The following CDC14A variants were observed in gnomAD, a reference collection of about 807,000 sequenced individuals.
CDC14A encodes the protein dual specificity protein phosphatase CDC14A.
A neutral mutation model predicts 74.4 loss-of-function variants in CDC14A; 53 were observed. That is an observed-to-expected ratio of 0.71 (90% CI 0.57 to 0.89). The LOEUF is 0.89. Ranked by LOEUF, CDC14A falls within the 40% of genes least tolerant of loss-of-function variation. The pLI is 0.00. For missense variants in CDC14A, 646 were observed against 713.7 expected, an observed-to-expected ratio of 0.91 and a Z score of 1.08; for synonymous variants, 247 against 258.4, an observed-to-expected ratio of 0.96 and a Z score of 0.43.
At chr1:100,412,724 TTTA>T (rs1348614420) in intron 4 of CDC14A, among the ~76,000 whole-genome samples, 4 of 75,344 alleles carry the variant, frequency 5.3e-5, no homozygotes, top group African/African-American at 4.0e-4. Context: ...ATATATATAT[TTTA>T]TATATATATA....
chr1:100,371,657 C>T (rs1289159917), intron 2 of CDC14A, among the ~76,000 whole-genome samples: 6 of 152,136 alleles, frequency 3.9e-5, no homozygotes, highest in Admixed American at 1.3e-4. Context: ...CCTACTTCAT[C>T]GTGATGCATA....
chr1:100,411,674 C>A (rs983557271), intron 4 of CDC14A, among the ~76,000 whole-genome samples: 2 of 152,138 alleles, frequency 1.3e-5, no homozygotes, highest in Non-Finnish European at 2.9e-5. Context: ...TTCCTCTCTC[C>A]TTTTGTGTGA....
At chr1:100,352,317 C>T, upstream of CDC14A, 3 of 330,732 alleles carry the variant, frequency 9.1e-6, no homozygotes, top group Non-Finnish European at 1.3e-5. Flanking sequence ...CTCCTAGTGA[C>T]CCGCGGGGCG....
At chr1:100,368,040 T>C (rs1351797807) in intron 2 of CDC14A, among the ~76,000 whole-genome samples, 1 of 152,208 alleles carries the variant, frequency 6.6e-6, no homozygotes. Context: ...GGATAAAAAT[T>C]ACCAGGGCCT....
chr1:100,424,365 T>G (rs1392887360), intron 5 of CDC14A, 64 bp downstream of exon 5: 2 of 1,115,802 alleles, frequency 1.8e-6, no homozygotes, highest in African/African-American at 1.5e-5. Flanking sequence ...TAGAGTTGGG[T>G]TGTAGTGTTT....
At chr1:100,365,391 C>T (rs958981367) in intron 2 of CDC14A, among the ~76,000 whole-genome samples, 14 of 152,094 alleles carry the variant, frequency 9.2e-5, no homozygotes, top group African/African-American at 3.1e-4. Flanking sequence ...ATGGGTTTGT[C>T]CAATAAGGAT....
rs529616132 is a variant in CDC14A, at chr1:100,413,057, A to G, written c.310-11165A>G. Reference sequence around the variant, plus strand: ...GGGTGACAAGAGCGAAACTGTCAAAAAGAAAAGAAAAAAGAAAAAAGGATG... The same window carrying G: ...GGGTGACAAGAGCGAAACTGTCAAAGAGAAAAGAAAAAAGAAAAAAGGATG... On this transcript the variant is annotated intron_variant, in intron 4 of 15. Transcript: ENST00000336454. 2.0e-5 allele frequency among the ~76,000 whole-genome samples: 3 copies of G among 151,924 alleles called. No individual in the cohort carries two copies. In the South Asian group the frequency reaches 6.2e-4, roughly 32 times the overall value.
chr1:100,387,989 A>C (rs1657112508), intron 3 of CDC14A, among the ~76,000 whole-genome samples: 1 of 152,260 alleles, frequency 6.6e-6, no homozygotes, highest in African/African-American at 2.4e-5. Flanking sequence ...AACCAATAGC[A>C]GTAGTTTGTC....
chr1:100,498,428 G>A (rs549128790), intron 14 of CDC14A, among the ~76,000 whole-genome samples: 2 of 152,324 alleles, frequency 1.3e-5, no homozygotes, highest in African/African-American at 4.8e-5. Flanking sequence ...TCTAGAGAGT[G>A]AGCAGCTGGC....
chr1:100,364,750 G>A (rs1653335351), intron 2 of CDC14A, among the ~76,000 whole-genome samples: 1 of 152,190 alleles, frequency 6.6e-6, no homozygotes, highest in South Asian at 2.1e-4. Flanking sequence ...AATTTTCCCA[G>A]TGCATTCCTG....
upstream of CDC14A, chr1:100,351,790 C>A (rs1356682842): frequency 6.4e-7 from 1 of 1,550,406 alleles, no homozygotes; most frequent in Non-Finnish European, 8.7e-7. Context: ...GAACAAAGTA[C>A]AAGTTATATC....
chr1:100,415,825 A>G (rs1271795743), intron 4 of CDC14A, among the ~76,000 whole-genome samples: 2 of 152,234 alleles, frequency 1.3e-5, no homozygotes, highest in African/African-American at 4.8e-5. Context: ...AAGCAATTAG[A>G]ACAAAGTGGA....
chr1:100,445,818 T>C (rs1665485585), intron 7 of CDC14A, among the ~76,000 whole-genome samples: 3 of 152,358 alleles, frequency 2.0e-5, no homozygotes, highest in South Asian at 4.1e-4. Flanking sequence ...TGGTGAAGAC[T>C]TGATGTTGTC....
intron 10 of CDC14A, among the ~76,000 whole-genome samples, chr1:100,469,740 A>T (rs1308422577): frequency 6.6e-6 from 1 of 152,152 alleles, no homozygotes; most frequent in Admixed American, 6.5e-5. Flanking sequence ...AGGTGAGGAG[A>T]TATAGCAGAG....
intron 4 of CDC14A, among the ~76,000 whole-genome samples, chr1:100,395,741 A>G (rs1399228725): frequency 6.6e-6 from 1 of 152,160 alleles, no homozygotes; most frequent in Non-Finnish European, 1.5e-5. Flanking sequence ...ATTTATCCTT[A>G]CCAATGCCAT....
chr1:100,484,432 A>T lies in CDC14A; in HGVS notation c.1118A>T (p.Asn373Ile). 8 of 1,602,800 alleles carry T rather than the reference A, an allele frequency of 5.0e-6. No homozygotes were observed. The highest frequency in any genetic ancestry group is 6.8e-6 in the Non-Finnish European group (8 of 1,175,816). The change falls in exon 11 of 16, where the codon AAC becomes ATC. Residue 373 changes from asparagine to isoleucine, a missense_variant. Transcript: ENST00000336454. The stretch of plus-strand genomic sequence containing the variant: ...GGTGGAAATCTTTCAAAAACACAAA[A>T]CATGGAACGATTTGGAGAGGTAAGT... Reference protein sequence around the residue: ...SIGGNLSKTQNMERFGEDNLE... With the variant: ...SIGGNLSKTQIMERFGEDNLE...
chr1:100,412,710 A>ATATATATATATATTT (rs1291837511), intron 4 of CDC14A, among the ~76,000 whole-genome samples: 1 of 95,994 alleles, frequency 1.0e-5, no homozygotes, highest in Admixed American at 1.0e-4. Context: ...ATATATATAT[A>ATATATATATATATTT]TATATATATA....
chr1:100,382,686 A>G (rs1656308647), intron 3 of CDC14A, among the ~76,000 whole-genome samples: 1 of 152,204 alleles, frequency 6.6e-6, no homozygotes, highest in African/African-American at 2.4e-5. Flanking sequence ...AATCAACAGG[A>G]TAATTACAGT....
At chr1:100,460,437 C>T (rs1464104742) in intron 8 of CDC14A, among the ~76,000 whole-genome samples, 1 of 152,136 alleles carries the variant, frequency 6.6e-6, no homozygotes, top group Non-Finnish European at 1.5e-5. Context: ...GTGACAGGTG[C>T]TGTCATGGAG....
Sources: gnomAD v4.1 joint callset for allele counts (sites outside exome capture counted in the v4.1 genomes callset) on GRCh38, gnomAD v4.1.1 for gene constraint, MANE v1.5 for transcripts, NCBI Gene and HGNC (gene_info 2026-07-23, HGNC 2026-07-21) for gene names.